Variants in ZMYM2 observed in about 807,000 individuals in gnomAD.
The protein encoded by ZMYM2 is zinc finger MYM-type protein 2.
ZMYM2 carries 56 observed loss-of-function variants against 162.8 expected under a neutral mutation model. The observed-to-expected ratio is 0.34, with a 90% CI of 0.28 to 0.43. The LOEUF is 0.43. Ranked by LOEUF, ZMYM2 falls within the 20% of genes least tolerant of loss-of-function variation. The probability of loss-of-function intolerance (pLI) is 1.00; values close to 1 mark genes in which losing one functional copy is unlikely to be tolerated. For missense variants in ZMYM2, 1,275 were observed against 1,621.8 expected (o/e 0.79, Z 3.67); for synonymous variants, 510 against 541.6 (o/e 0.94, Z 0.81).
At chr13:19,952,060 A>T in the ZMYM2 span, among the ~76,000 whole-genome samples, 3 of 152,198 alleles carry the variant, frequency 2.0e-5, no homozygotes, top group African/African-American at 7.2e-5. Context: ...CAGCCTTAAA[A>T]AGAAGAAAAT....
In ZMYM2 at chr13:20,005,159, T is replaced by A. The variant is rs1429488668; in HGVS notation, c.1219T>A (p.Ser407Thr). The A allele has an allele frequency of 6.2e-7, 1 of 1,600,776 alleles. No individual in the cohort carries two copies. Among genetic ancestry groups the A allele is most frequent in the African/African-American group, 1.4e-5 (1 of 74,064 alleles). The part of the protein sequence containing the change: ...FQEFCSTSCL[S>T]LYEDKQNPTK... ...GGAATTCTGTAGTACATCTTGTTTA[T>A]CTCTCTATGAAGACAAACAGAATCC... The change falls in exon 5 of 25, where the codon TCT becomes ACT. Residue 407 changes from serine to threonine, a missense_variant. Around this residue, in one of 10 missense-constraint regions of ZMYM2, gnomAD observed 3 missense variants for 16.8 expected, o/e 0.18. Coordinates refer to ENST00000610343, the MANE Select transcript of ZMYM2 (RefSeq NM_197968.4).
intron 14 of ZMYM2, among the ~76,000 whole-genome samples, chr13:20,056,438 A>G (rs1955801423): frequency 6.6e-6 from 1 of 152,146 alleles, no homozygotes; most frequent in Non-Finnish European, 1.5e-5. Flanking sequence ...CCCAAATACT[A>G]GTCTCTTCTC....
Position 20,046,454 on chromosome 13 carries a change from T to C in ZMYM2, c.2293-4979T>C, listed in dbSNP as rs547611803. On this transcript the variant is annotated intron_variant, in intron 12 of 24. Coordinates refer to ENST00000610343, the MANE Select transcript of ZMYM2 (RefSeq NM_197968.4). ...CTGTAGTCCTGGCTCCTTGGGAGGC[T>C]GAAGTGGAAGGATCACTTGAGTTCA... Among the ~76,000 whole-genome samples, 3 of 151,328 alleles carry C rather than the reference T, an allele frequency of 2.0e-5. No individual in the cohort carries two copies. The South Asian group carries it at 6.3e-4, about 32-fold the overall frequency.
At chr13:20,084,046 C>T (rs1465619549) in intron 24 of ZMYM2, among the ~76,000 whole-genome samples, 1 of 152,168 alleles carries the variant, frequency 6.6e-6, no homozygotes, top group Non-Finnish European at 1.5e-5. Context: ...GTCTTGCTCT[C>T]TCACCGAGGC....
At chr13:20,055,556 C>G (rs1041134792) in intron 14 of ZMYM2, among the ~76,000 whole-genome samples, 6 of 152,086 alleles carry the variant, frequency 3.9e-5, no homozygotes, top group Non-Finnish European at 2.9e-5. Flanking sequence ...TCACTAAGAG[C>G]AAGAAAGCTG....
At chr13:19,870,094 T>C in the ZMYM2 span, among the ~76,000 whole-genome samples, 5 of 152,320 alleles carry the variant, frequency 3.3e-5, no homozygotes, top group East Asian at 9.6e-4. Context: ...AGCCCACTCA[T>C]GTGGCTATTA....
intron 2 of ZMYM2, among the ~76,000 whole-genome samples, chr13:19,961,936 G>C (rs1218123852): frequency 6.6e-6 from 1 of 152,158 alleles, no homozygotes; most frequent in Non-Finnish European, 1.5e-5. Flanking sequence ...AAAGTATTTT[G>C]ACAGTTAAAA....
the ZMYM2 span, among the ~76,000 whole-genome samples, chr13:19,883,379 G>T: frequency 6.6e-6 from 1 of 152,164 alleles, no homozygotes; most frequent in African/African-American, 2.4e-5. Context: ...GTACAACTTA[G>T]AAATGTCTAA....
chr13:19,957,052 AAAGCTGGTTC>A (rs1346225108), upstream of ZMYM2, among the ~76,000 whole-genome samples: 4 of 152,186 alleles, frequency 2.6e-5, no homozygotes, highest in African/African-American at 9.6e-5. Flanking sequence ...TACTTTTTGA[AAAGCTGGTTC>A]AAGTACATTT....
chr13:19,939,204 A>G, the ZMYM2 span, among the ~76,000 whole-genome samples: 1 of 151,708 alleles, frequency 6.6e-6, no homozygotes, highest in Non-Finnish European at 1.5e-5. Context: ...TTGTATTTTT[A>G]GTAGAGACAG....
intron 5 of ZMYM2, 72 bp downstream of exon 5, chr13:20,005,311 A>G (rs1203650598): frequency 2.6e-6 from 3 of 1,164,470 alleles, no homozygotes; most frequent in Non-Finnish European, 3.6e-6. Context: ...AAGAACTATT[A>G]GATAATCTTT....
chr13:20,027,660 G>A (rs1332979318), intron 9 of ZMYM2, among the ~76,000 whole-genome samples: 1 of 152,110 alleles, frequency 6.6e-6, no homozygotes, highest in Admixed American at 6.6e-5. Flanking sequence ...AGAGGACCTA[G>A]ATGTATTTAG....
At chr13:20,085,128 T>C (rs1213338282) in intron 24 of ZMYM2, among the ~76,000 whole-genome samples, 1 of 152,182 alleles carries the variant, frequency 6.6e-6, no homozygotes, top group Non-Finnish European at 1.5e-5. Context: ...CCCCTTGGGG[T>C]TGCTGAATAA....
In ZMYM2 at chr13:20,002,787, A is replaced by G. The variant is rs567726850; in HGVS notation, c.848-63A>G. On this transcript the variant is annotated intron_variant, in intron 3 of 24. Transcript: ENST00000610343. ...GGGAAGTTAATATTTCTCTGATATA[A>G]ATTTTAATATGTATAAACAAACACT... The G allele has an allele frequency of 2.0e-4, 310 of 1,544,720 alleles. 3 individuals carry two copies. In the South Asian group the frequency reaches 3.1e-3, roughly 15 times the overall value.
At chr13:19,959,025 C>G (rs1182827596) in intron 1 of ZMYM2, among the ~76,000 whole-genome samples, 184 bp downstream of exon 1, 1 of 151,886 alleles carries the variant, frequency 6.6e-6, no homozygotes, top group Non-Finnish European at 1.5e-5. Context: ...GCCGCCGTCG[C>G]CGCTGCCGCG....
the ZMYM2 span, among the ~76,000 whole-genome samples, chr13:19,884,836 A>C: frequency 2.0e-5 from 3 of 151,862 alleles, no homozygotes; most frequent in South Asian, 6.2e-4. Flanking sequence ...CAGCAGTAAA[A>C]GAAAACCTGA....
chr13:19,890,934 C>G, the ZMYM2 span, among the ~76,000 whole-genome samples: 1 of 151,402 alleles, frequency 6.6e-6, no homozygotes, highest in Non-Finnish European at 1.5e-5. Flanking sequence ...TCTTCTGGTT[C>G]TCTTGGGATT....
the ZMYM2 span, among the ~76,000 whole-genome samples, chr13:19,887,366 T>G: frequency 6.6e-6 from 1 of 151,242 alleles, no homozygotes; most frequent in East Asian, 2.0e-4. Flanking sequence ...TCATCTCTAT[T>G]AAAAATATAA....
intron 12 of ZMYM2, among the ~76,000 whole-genome samples, chr13:20,048,400 A>G (rs898730727): frequency 1.3e-5 from 2 of 151,974 alleles, no homozygotes; most frequent in African/African-American, 2.4e-5. Context: ...TTTGCATAGT[A>G]CCCAATCACC....
Sources: gnomAD v4.1 joint callset for allele counts (sites outside exome capture counted in the v4.1 genomes callset) on GRCh38, gnomAD v4.1.1 for gene constraint, gnomAD v4.1.1 regional missense constraint, MANE v1.5 for transcripts, NCBI Gene and HGNC (gene_info 2026-07-23, HGNC 2026-07-21) for gene names.